The following HTR4 variants were observed in gnomAD, a reference collection of about 807,000 sequenced individuals.
The protein encoded by HTR4 is 5-hydroxytryptamine (serotonin) receptor 4, G protein-coupled.
A neutral mutation model predicts 36.8 loss-of-function variants in HTR4; 16 were observed. The ratio of observed to expected loss-of-function variants is 0.43; its 90% confidence interval spans 0.29 to 0.66. HTR4 has a LOEUF of 0.66. Ranked by LOEUF, HTR4 falls within the 30% of genes least tolerant of loss-of-function variation. HTR4 has a pLI of 0.13. For synonymous variants in HTR4, 189 were observed against 185.1 expected (o/e 1.02, Z -0.17); for missense variants, 438 against 490.9 (o/e 0.89, Z 1.02).
Position 148,510,027 on chromosome 5 carries a change from G to A in HTR4, c.508-3C>T, listed in dbSNP as rs2113772632. 1.9e-6 allele frequency: 3 copies of A among 1,596,942 alleles called. No individual in the cohort carries two copies. In the African/African-American group the frequency reaches 4.0e-5, roughly 21 times the overall value. ...TGGTTGAACTTCCTCTTTTCTATCT[G>A]AGAGTTGGAGGGAGAGAGGAAATGA... On this transcript the variant is annotated splice_polypyrimidine_tract_variant and splice_region_variant and intron_variant, in intron 5 of 6. Transcript: ENST00000377888.
At chr5:148,596,351 T>C (rs1253600727) in intron 2 of HTR4, among the ~76,000 whole-genome samples, 1 of 152,196 alleles carries the variant, frequency 6.6e-6, no homozygotes, top group Non-Finnish European at 1.5e-5. Flanking sequence ...CAAATTTGGT[T>C]ACTCTCCAAC....
chr5:148,611,360 G>A (rs1752419061), intron 2 of HTR4, among the ~76,000 whole-genome samples: 1 of 151,740 alleles, frequency 6.6e-6, no homozygotes, highest in Non-Finnish European at 1.5e-5. Flanking sequence ...AGAAGAGAGT[G>A]GGGGCCAATA....
chr5:148,636,378 C>A (rs1353656557), intron 2 of HTR4, among the ~76,000 whole-genome samples: 5 of 152,092 alleles, frequency 3.3e-5, no homozygotes, highest in African/African-American at 1.2e-4. Flanking sequence ...AACATTGAGG[C>A]CTTATTGAAT....
chr5:148,638,331 C>T (rs1289590420), intron 1 of HTR4, among the ~76,000 whole-genome samples: 1 of 152,190 alleles, frequency 6.6e-6, no homozygotes, highest in Non-Finnish European at 1.5e-5. Flanking sequence ...CCACATCTGT[C>T]TGTTTTATAT....
intron 6 of HTR4, among the ~76,000 whole-genome samples, chr5:148,490,284 T>C (rs1756357888): frequency 6.6e-6 from 1 of 151,588 alleles, no homozygotes; most frequent in South Asian, 2.1e-4. Flanking sequence ...TCAAATTAGC[T>C]GTTTACCACT....
chr5:148,517,813 A>G (rs1398380093), intron 5 of HTR4, among the ~76,000 whole-genome samples: 2 of 152,198 alleles, frequency 1.3e-5, no homozygotes, highest in Non-Finnish European at 2.9e-5. Flanking sequence ...CTTTAACAAT[A>G]TAATTCAGGT....
At chr5:148,626,590 C>A (rs1006018542) in intron 2 of HTR4, among the ~76,000 whole-genome samples, 1 of 152,190 alleles carries the variant, frequency 6.6e-6, no homozygotes, top group Non-Finnish European at 1.5e-5. Flanking sequence ...CATAAGCTTC[C>A]TGAGTTCAGA....
rs1488832990 is a variant in HTR4, at chr5:148,654,271, C to G, written c.-257G>C. 1.0e-6 allele frequency: 1 copy of G among 985,246 alleles called. No individual in the cohort carries two copies. Among genetic ancestry groups the G allele is most frequent in the Non-Finnish European group, 1.2e-6 (1 of 829,864 alleles). The allele number at this position is 985,246 out of a possible 1,614,324, so 61.0% of individuals were successfully genotyped here. On this transcript the variant is annotated 5_prime_UTR_variant, in exon 1 of 7. Coordinates refer to ENST00000377888, the MANE Select transcript of HTR4 (RefSeq NM_000870.7). ...GGCCAGGGGCTGCGGGCGCAGGACCCCAGCCCCGGATCACCTGGGCTCGCC... is the reference window on the plus strand; with the variant it reads ...GGCCAGGGGCTGCGGGCGCAGGACCGCAGCCCCGGATCACCTGGGCTCGCC...
intron 2 of HTR4, among the ~76,000 whole-genome samples, chr5:148,557,131 A>G (rs1238278631): frequency 6.6e-6 from 1 of 152,138 alleles, no homozygotes; most frequent in Admixed American, 6.5e-5. Flanking sequence ...CTATTGGAAG[A>G]TCAATGAGAA....
chr5:148,466,712 A>G (rs1755440165), intron 5 of HTR4, among the ~76,000 whole-genome samples: 1 of 152,238 alleles, frequency 6.6e-6, no homozygotes, highest in Non-Finnish European at 1.5e-5. Flanking sequence ...AAATGAAGTA[A>G]GTCATGTTCA....
At chr5:148,578,895 T>G (rs1761028983) in intron 2 of HTR4, among the ~76,000 whole-genome samples, 1 of 152,084 alleles carries the variant, frequency 6.6e-6, no homozygotes, top group African/African-American at 2.4e-5. Flanking sequence ...TTACACCAAG[T>G]CCAACTTATG....
chr5:148,502,851 A>G (rs995497961), intron 6 of HTR4, among the ~76,000 whole-genome samples: 1 of 152,246 alleles, frequency 6.6e-6, no homozygotes, highest in Non-Finnish European at 1.5e-5. Flanking sequence ...CAAATGCACA[A>G]GCCTCAGTAG....
At chr5:148,615,182 A>G (rs1414191863) in intron 2 of HTR4, among the ~76,000 whole-genome samples, 3 of 151,984 alleles carry the variant, frequency 2.0e-5, no homozygotes, top group Admixed American at 6.6e-5. Context: ...ATTACTGGGT[A>G]TATACCCAAA....
intron 1 of HTR4, among the ~76,000 whole-genome samples, chr5:148,639,617 G>GTATATA (rs370514542): frequency 0.19 from 21,393 of 111,300 alleles, 2,281 homozygotes; most frequent in East Asian, 0.28. Flanking sequence ...TTTCTTCCCA[G>GTATATA]TATATATATA....
At chr5:148,629,226 A>G (rs1753232222) in intron 2 of HTR4, 1 of 152,144 alleles carries the variant, frequency 6.6e-6, no homozygotes, top group Non-Finnish European at 1.5e-5. Flanking sequence ...GTCAATAATA[A>G]TTCTGAGAAC....
At chr5:148,480,749 C>A (rs537421752), downstream of HTR4, among the ~76,000 whole-genome samples, 53 of 152,294 alleles carry the variant, frequency 3.5e-4, no homozygotes, top group African/African-American at 1.3e-3. Context: ...CTGGGCATTT[C>A]TTTCTCTGTT....
chr5:148,475,247 A>G (rs561852386), downstream of HTR4, among the ~76,000 whole-genome samples: 1 of 152,210 alleles, frequency 6.6e-6, no homozygotes, highest in Non-Finnish European at 1.5e-5. Flanking sequence ...CAGAAACTGA[A>G]GCTCAGAGAA....
At chr5:148,481,336 C>T (rs1755872543), downstream of HTR4, 2 of 553,672 alleles carry the variant, frequency 3.6e-6, no homozygotes, top group Admixed American at 6.7e-5. Flanking sequence ...AATAAACTTT[C>T]TTCATATGTG....
At chr5:148,651,000 T>A (rs1754016281) in intron 1 of HTR4, among the ~76,000 whole-genome samples, 1 of 152,170 alleles carries the variant, frequency 6.6e-6, no homozygotes, top group African/African-American at 2.4e-5. Context: ...AACACACAAT[T>A]TCATCCTAGC....
Sources: allele counts gnomAD v4.1 joint callset (sites outside exome capture counted in the v4.1 genomes callset), GRCh38; gene constraint gnomAD v4.1.1; transcripts MANE v1.5; gene names NCBI Gene and HGNC (gene_info 2026-07-23, HGNC 2026-07-21).